Variants in DAB1 observed in about 807,000 individuals in gnomAD.
The protein encoded by DAB1 is DAB adaptor protein 1, also known as disabled homolog 1.
A neutral mutation model predicts 64.6 loss-of-function variants in DAB1; 15 were observed. The ratio of observed to expected loss-of-function variants is 0.23; its 90% CI spans 0.16 to 0.36. The LOEUF (loss-of-function observed/expected upper bound fraction) is 0.36, where lower values mean the gene tolerates loss of function less well. DAB1 is among the 10% of genes least tolerant of loss of function. DAB1 has a pLI of 1.00. For missense variants in DAB1, 596 were observed against 706.7 expected (o/e 0.84, Z 1.78); for synonymous variants, 235 against 251.9 (o/e 0.93, Z 0.64).
intron 3 of DAB1, among the ~76,000 whole-genome samples, chr1:58,428,743 T>C (rs1644843343): frequency 6.6e-6 from 1 of 152,190 alleles, no homozygotes; most frequent in South Asian, 2.1e-4. Context: ...TTGATGAGAG[T>C]AGAGTGCTAG....
chr1:57,080,360 G>A lies in DAB1; in HGVS notation c.307-7946C>T, dbSNP rs144449096. On this transcript the variant is annotated intron_variant, in intron 4 of 14. Coordinates refer to ENST00000371236, the MANE Select transcript of DAB1 (RefSeq NM_001365792.1). ...TCTGAACTCCACTGACTCCCTATCCGTTTTCCTCTCTAAGCCTTTGTTTCA... is the reference window on the plus strand; with the variant it reads ...TCTGAACTCCACTGACTCCCTATCCATTTTCCTCTCTAAGCCTTTGTTTCA... Among the ~76,000 whole-genome samples, 26 of 152,242 alleles carry A rather than the reference G, an allele frequency of 1.7e-4. No homozygotes were observed. The East Asian group carries it at 3.5e-3, about 20-fold the overall frequency.
intron 1 of DAB1, among the ~76,000 whole-genome samples, chr1:58,546,473 G>T (rs943238407): frequency 2.0e-5 from 3 of 151,772 alleles, no homozygotes; most frequent in African/African-American, 7.3e-5. Flanking sequence ...CCCCAGGACA[G>T]ATCCCCTCCG....
At chr1:57,193,924 T>C (rs889775200) in intron 2 of DAB1, among the ~76,000 whole-genome samples, 1 of 152,226 alleles carries the variant, frequency 6.6e-6, no homozygotes, top group Non-Finnish European at 1.5e-5. Flanking sequence ...TCCATTTCCT[T>C]ATCTGCAAAA....
chr1:57,311,529 C>G (rs1196764575), intron 1 of DAB1, among the ~76,000 whole-genome samples: 2 of 152,096 alleles, frequency 1.3e-5, no homozygotes, highest in African/African-American at 4.8e-5. Context: ...CCACCACACA[C>G]ACACACACAC....
chr1:57,924,765 T>C (rs1025704915), intron 5 of DAB1, among the ~76,000 whole-genome samples: 1 of 151,398 alleles, frequency 6.6e-6, no homozygotes, highest in African/African-American at 2.4e-5. Context: ...ACTGCACCCA[T>C]CCAAGTTACA....
intron 1 of DAB1, among the ~76,000 whole-genome samples, chr1:57,349,452 C>T (rs1448347085): frequency 1.3e-5 from 2 of 151,830 alleles, no homozygotes; most frequent in Non-Finnish European, 1.5e-5. Context: ...CCACTACACT[C>T]GAAGCCATAT....
At chr1:58,013,712 G>A (rs994614889) in intron 5 of DAB1, among the ~76,000 whole-genome samples, 11 of 152,056 alleles carry the variant, frequency 7.2e-5, no homozygotes, top group Admixed American at 6.5e-4. Context: ...ATAACCAGTG[G>A]TTTGCTGGAG....
chr1:57,981,299 CGAA>C (rs1037262131), intron 5 of DAB1, among the ~76,000 whole-genome samples: 1 of 149,660 alleles, frequency 6.7e-6, no homozygotes, highest in African/African-American at 2.5e-5. Context: ...TAAATATAAG[CGAA>C]GAAGGAGGAG....
intron 4 of DAB1, among the ~76,000 whole-genome samples, chr1:58,316,068 G>A (rs944551972): frequency 5.3e-5 from 8 of 152,206 alleles, no homozygotes; most frequent in African/African-American, 1.9e-4. Context: ...TATGCAAGTA[G>A]CTTAACCTCT....
At chr1:58,246,593 G>A (rs1335762614) in intron 4 of DAB1, among the ~76,000 whole-genome samples, 1 of 152,218 alleles carries the variant, frequency 6.6e-6, no homozygotes. Flanking sequence ...AGATGTGAGT[G>A]TGTGTGAGGC....
intron 1 of DAB1, among the ~76,000 whole-genome samples, chr1:57,396,049 A>G (rs1015166941): frequency 6.6e-6 from 1 of 152,230 alleles, no homozygotes. Flanking sequence ...TAGACCACCC[A>G]AAGTATTTTA....
intron 1 of DAB1, among the ~76,000 whole-genome samples, chr1:57,348,739 C>G (rs994688158): frequency 2.0e-5 from 3 of 152,128 alleles, no homozygotes. Context: ...TACCTTCTGC[C>G]TGACTCTAAC....
At chr1:57,778,109 T>G (rs1649900849) in intron 6 of DAB1, among the ~76,000 whole-genome samples, 1 of 152,074 alleles carries the variant, frequency 6.6e-6, no homozygotes, top group African/African-American at 2.4e-5. Context: ...CTTAGAATTC[T>G]CTAGTTGTTC....
At chr1:57,456,010 C>T (rs566311538) in intron 7 of DAB1, among the ~76,000 whole-genome samples, 16 of 152,216 alleles carry the variant, frequency 1.1e-4, no homozygotes, top group South Asian at 2.1e-4. Flanking sequence ...GTGGTTAAGG[C>T]ACTGTGTTTT....
intron 1 of DAB1, among the ~76,000 whole-genome samples, chr1:57,405,986 G>A (rs1241780333): frequency 6.6e-6 from 1 of 152,162 alleles, no homozygotes. Flanking sequence ...CTGTGAAGTT[G>A]CTGGGCAAAC....
rs528676235 is a variant in DAB1 at position 58,467,805 on chromosome 1, G to C, written n.257+38255C>G. 5.6e-4 allele frequency: 86 copies of C among 152,348 alleles called. 1 individual carries two copies. The highest frequency in any genetic ancestry group is 2.0e-3 in the African/African-American group (85 of 41,564). 9.4% of individuals were successfully genotyped at this position (152,348 alleles called of 1,614,324 possible). ...AAAAGCGTAGGTATAATGAACAACT[G>C]TGTACCAACCACGCAGCGTAAAATA... On this transcript the variant is annotated intron_variant and non_coding_transcript_variant, in intron 3 of 20. Transcript: ENST00000485760.
intron 1 of DAB1, chr1:58,538,990 T>A: frequency 2.3e-6 from 2 of 872,856 alleles, no homozygotes; most frequent in Non-Finnish European, 4.0e-6. Context: ...TGAAAAAGCA[T>A]CATTCCATAC....
chr1:57,348,363 G>A (rs1678290572), intron 1 of DAB1, among the ~76,000 whole-genome samples: 2 of 152,162 alleles, frequency 1.3e-5, no homozygotes, highest in South Asian at 4.1e-4. Context: ...GGTTTTATCA[G>A]AGTTTAGAAG....
intron 2 of DAB1, among the ~76,000 whole-genome samples, chr1:57,166,606 T>C (rs748291767): frequency 6.6e-6 from 1 of 152,162 alleles, no homozygotes; most frequent in Non-Finnish European, 1.5e-5. Flanking sequence ...CAGGGTTGTC[T>C]GGGAAAGTTT....
Sources: allele counts gnomAD v4.1 joint callset (sites outside exome capture counted in the v4.1 genomes callset), GRCh38; gene constraint gnomAD v4.1.1; transcripts MANE v1.5; gene names NCBI Gene and HGNC (gene_info 2026-07-23, HGNC 2026-07-21).